CIT: variants seen among roughly 807,000 people sequenced by gnomAD.
CIT encodes the protein citron Rho-interacting kinase.
Under a neutral mutation model 272.7 loss-of-function variants are expected in CIT, and 79 were observed. The ratio of observed to expected loss-of-function variants is 0.29; its 90% CI spans 0.24 to 0.35. The LOEUF is 0.35. Ranked by LOEUF, CIT falls within the 10% of genes least tolerant of loss-of-function variation. The probability of loss-of-function intolerance (pLI) is 1.00; values close to 1 mark genes in which losing one functional copy is unlikely to be tolerated. For missense variants in CIT, 1,909 were observed against 2,618.3 expected (o/e 0.73, Z 5.91); for synonymous variants, 948 against 995.6 (o/e 0.95, Z 0.90).
rs765779833 is a variant in CIT, at chr12:119,710,625, T to C, written c.4855-5A>G. ...CAGGGAGTTTCCAAGCAGTTTCTTT[T>C]CATAGGTGAAAGAAAAGAAAAACAG... On this transcript the variant is annotated splice_polypyrimidine_tract_variant and splice_region_variant and intron_variant, in intron 37 of 47. Transcript: ENST00000392521. This position sits in a 1 kb window ranked among gnomAD's most constrained non-coding sequence, Gnocchi z 5.6. 7 of 1,613,644 alleles carry C rather than the reference T, an allele frequency of 4.3e-6. No individual in the cohort carries two copies. The highest frequency in any genetic ancestry group is 1.7e-5 in the Admixed American group (1 of 60,000).
chr12:119,701,992 AG>A, intron 41 of CIT, 34 bp from the exon 42 acceptor site: 2 of 1,529,074 alleles, frequency 1.3e-6, no homozygotes, highest in Non-Finnish European at 1.8e-6. Flanking sequence ...AGGATGTGAG[AG>A]GTAACACAGG....
At chr12:119,821,537 T>C (rs1967722703) in intron 9 of CIT, among the ~76,000 whole-genome samples, 1 of 152,194 alleles carries the variant, frequency 6.6e-6, no homozygotes, top group Non-Finnish European at 1.5e-5. Context: ...ACTTTAACTC[T>C]ACTCAGGTAA....
intron 10 of CIT, among the ~76,000 whole-genome samples, chr12:119,787,102 C>A (rs1488538336): frequency 2.6e-5 from 4 of 152,082 alleles, no homozygotes; most frequent in African/African-American, 9.7e-5. Context: ...GTAACTGGAA[C>A]TACAGGCACG....
rs915237080 is a variant in CIT at position 119,690,602 on chromosome 12, T to G, written c.5883-148A>C. The G allele has an allele frequency of 3.8e-6, 3 of 782,682 alleles. No individual in the cohort carries two copies. In the African/African-American group the frequency reaches 5.5e-5, roughly 14 times the overall value. The allele number at this position is 782,682 out of a possible 1,614,324, so 48.5% of individuals were successfully genotyped here. A position where few individuals can be genotyped will look rare whatever the true frequency, so the allele number is the denominator to read the frequency against. Reference sequence around the variant, plus strand: ...TGGAGTTCTTTGGACTTTGCCTGCATTTGATTTTGGTAGCAAAGACAGGGA... The same window carrying G: ...TGGAGTTCTTTGGACTTTGCCTGCAGTTGATTTTGGTAGCAAAGACAGGGA... On this transcript the variant is annotated intron_variant, in intron 46 of 47. Coordinates refer to ENST00000392521, the MANE Select transcript of CIT (RefSeq NM_001206999.2). This position sits in a 1 kb window ranked among gnomAD's most constrained non-coding sequence, Gnocchi z 6.0.
In CIT at chr12:119,772,849, C is replaced by T. The variant is rs764771078; in HGVS notation, c.2003G>A (p.Arg668Gln). ...CAGCTTCTCCAGCTCCCTCTCGGCT[C>T]GCTCCTTTGCCTGGCGGATATTCTG... ...LLQNIRQAKE[R>Q]AERELEKLQN... Residue 668 changes from arginine to glutamine, a missense_variant, in exon 17 of 48, where the codon CGA (arginine) becomes CAA (glutamine). Physicochemically the swap from Arg to Gln is conservative, Grantham distance 43. Transcript: ENST00000392521. 14 of 1,613,968 alleles carry T rather than the reference C, an allele frequency of 8.7e-6. No individual in the cohort carries two copies. Among genetic ancestry groups the T allele is most frequent in the Non-Finnish European group, 1.2e-5 (14 of 1,180,016 alleles).
At chr12:119,704,484 C>T in intron 40 of CIT, 29 bp from the exon 41 acceptor site, 1 of 1,602,650 alleles carries the variant, frequency 6.2e-7, no homozygotes, top group Non-Finnish European at 8.5e-7. Flanking sequence ...AAGAAAAAGA[C>T]TGTCACCAGT....
rs77841771 is a variant in CIT, at chr12:119,718,196, C to T, written c.4168+49G>A. On this transcript the variant is annotated intron_variant, in intron 32 of 47. Transcript: ENST00000392521. This position sits in a 1 kb window ranked among gnomAD's most constrained non-coding sequence, Gnocchi z 4.8. The stretch of plus-strand genomic sequence containing the variant: ...ATTACTTGTAATTTTTACCATATGC[C>T]CACATGTCTTAGTCGACTAAAAGAA... 0.018 allele frequency: 27,780 copies of T among 1,560,024 alleles called. 334 individuals are homozygous for T. Among genetic ancestry groups the T allele is most frequent in the East Asian group, 0.034 (1,493 of 44,164 alleles).
intron 3 of CIT, among the ~76,000 whole-genome samples, 179 bp downstream of exon 3, chr12:119,868,881 G>A (rs550559898): frequency 6.6e-6 from 1 of 152,232 alleles, no homozygotes; most frequent in African/African-American, 2.4e-5. Flanking sequence ...CAACCAAGAA[G>A]CCCAACTTAC....
chr12:119,727,454 G>A lies in CIT; in HGVS notation c.3591+1048C>T, dbSNP rs371808221. ...AATAGACACTGTGGATTCAGAAGGG[G>A]GAAGGCGAGGAGGGGAGTGAGGGAT... On this transcript the variant is annotated intron_variant, in intron 28 of 47. Transcript: ENST00000392521. Among the ~76,000 whole-genome samples the A allele has an allele frequency of 9.2e-5, 14 of 152,132 alleles. No homozygotes were observed. The East Asian group carries it at 1.9e-3, about 21-fold the overall frequency.
At chr12:119,692,989 A>T (rs573288404) in intron 46 of CIT, among the ~76,000 whole-genome samples, 2 of 152,214 alleles carry the variant, frequency 1.3e-5, no homozygotes, top group Non-Finnish European at 2.9e-5. Flanking sequence ...AATTCCGAGT[A>T]GGAGAACTAC....
chr12:119,752,656 C>T (rs1240565603), intron 22 of CIT, among the ~76,000 whole-genome samples: 2 of 152,184 alleles, frequency 1.3e-5, no homozygotes, highest in African/African-American at 2.4e-5. Context: ...AATGAAACAA[C>T]AGACTGAATT....
chr12:119,854,760 C>T (rs954200907), intron 4 of CIT, among the ~76,000 whole-genome samples: 14 of 151,446 alleles, frequency 9.2e-5, no homozygotes, highest in Admixed American at 7.9e-4. Context: ...ACCAGCCTGA[C>T]CAACATGGTG....
Position 119,712,571 on chromosome 12 carries a change from C to T in CIT, c.4684+20G>A, listed in dbSNP as rs1402199397. ...AGCCCGGCCCACCTCCAGGGCGGGG[C>T]TCCTCCGGCTCCTCCTCACCTGCTT... On this transcript the variant is annotated intron_variant, in intron 36 of 47. Transcript: ENST00000392521. The surrounding 1 kb of genome is among the most constrained non-coding windows in gnomAD (Gnocchi z 5.2). 1.2e-6 allele frequency: 2 copies of T among 1,609,990 alleles called. No individual in the cohort carries two copies. Among genetic ancestry groups the T allele is most frequent in the African/African-American group, 1.3e-5 (1 of 74,852 alleles).
At chr12:119,767,913 T>G (rs977790801) in intron 18 of CIT, among the ~76,000 whole-genome samples, 5 of 134,718 alleles carry the variant, frequency 3.7e-5, no homozygotes, top group South Asian at 2.3e-4. Flanking sequence ...AGTTTCCAGC[T>G]TTTTTTTTTT....
At chr12:119,757,669 C>G in intron 21 of CIT, 124 bp from the exon 22 acceptor site, 1 of 1,232,260 alleles carries the variant, frequency 8.1e-7, no homozygotes, top group Non-Finnish European at 1.1e-6. Flanking sequence ...TAGGGCCATT[C>G]CTGGGTTAGC....
chr12:119,867,735 G>A lies in CIT; in HGVS notation c.238+1325C>T, dbSNP rs561286334. 8.6e-5 allele frequency among the ~76,000 whole-genome samples: 13 copies of A among 151,742 alleles called. No homozygotes were observed. The East Asian group carries it at 2.1e-3, about 25-fold the overall frequency. ...CCAACTAGCTCTGACAACCGAAAACGTCAAATCACCCACTGGTTGAAAAAC... is the reference window on the plus strand; with the variant it reads ...CCAACTAGCTCTGACAACCGAAAACATCAAATCACCCACTGGTTGAAAAAC... On this transcript the variant is annotated intron_variant, in intron 3 of 47. Transcript: ENST00000392521.
chr12:119,876,990 C>T (rs1165078651), intron 1 of CIT, among the ~76,000 whole-genome samples: 1 of 152,214 alleles, frequency 6.6e-6, no homozygotes, highest in Non-Finnish European at 1.5e-5. Flanking sequence ...GCTGAAGAGA[C>T]AAAGCACTCC....
intron 10 of CIT, among the ~76,000 whole-genome samples, chr12:119,788,895 C>T (rs1289031168): frequency 6.6e-6 from 1 of 152,092 alleles, no homozygotes; most frequent in Non-Finnish European, 1.5e-5. Context: ...AAATCTTTTT[C>T]TTTAAGAATA....
chr12:119,867,923 G>T (rs1238347383), intron 3 of CIT, among the ~76,000 whole-genome samples: 1 of 152,014 alleles, frequency 6.6e-6, no homozygotes, highest in Non-Finnish European at 1.5e-5. Context: ...AAACAAAAAA[G>T]AATTCAAAAA....
Sources: gnomAD v4.1 joint callset for allele counts (sites outside exome capture counted in the v4.1 genomes callset) on GRCh38, gnomAD v4.1.1 for gene constraint, Gnocchi (gnomAD v3.1) non-coding constraint, MANE v1.5 for transcripts, NCBI Gene and HGNC (gene_info 2026-07-23, HGNC 2026-07-21) for gene names.